GALNT13: variants seen among roughly 807,000 people sequenced by gnomAD.
The protein encoded by GALNT13 is UDP-GalNAc:polypeptide N-acetylgalactosaminyltransferase 13.
GALNT13 carries 28 observed loss-of-function variants against 64.2 expected under a neutral mutation model. The ratio of observed to expected loss-of-function variants is 0.44; its 90% confidence interval spans 0.32 to 0.60. GALNT13 has a LOEUF of 0.60. Among genes scored for constraint, GALNT13 ranks in the 20% least tolerant of loss-of-function variants. The pLI, the probability that GALNT13 is intolerant of heterozygous loss-of-function variation, is 0.05. For missense variants in GALNT13, 577 were observed against 669.8 expected (o/e 0.86, Z 1.53); for synonymous variants, 214 against 224.6 (o/e 0.95, Z 0.42).
chr2:154,092,220 A>G (rs1701849778), intron 3 of GALNT13, among the ~76,000 whole-genome samples: 1 of 151,952 alleles, frequency 6.6e-6, no homozygotes, highest in South Asian at 2.1e-4. Context: ...ATCCCAGCCA[A>G]GTTAACTGCA....
At chr2:154,121,977 G>A (rs1046478579) in intron 3 of GALNT13, among the ~76,000 whole-genome samples, 3 of 151,848 alleles carry the variant, frequency 2.0e-5, no homozygotes, top group African/African-American at 7.3e-5. Flanking sequence ...GTTGGTTTAG[G>A]TTTTTGTAAA....
At chr2:153,540,651 C>T in the GALNT13 span, among the ~76,000 whole-genome samples, 1 of 152,304 alleles carries the variant, frequency 6.6e-6, no homozygotes, top group East Asian at 1.9e-4. Context: ...GCAGAACTGC[C>T]CAAGTCCATG....
At chr2:153,150,588 G>T in the GALNT13 span, among the ~76,000 whole-genome samples, 12 of 152,076 alleles carry the variant, frequency 7.9e-5, no homozygotes, top group African/African-American at 2.9e-4. Flanking sequence ...TTTTCTTCTA[G>T]GGTTTTTATG....
At chr2:153,601,660 C>T in the GALNT13 span, among the ~76,000 whole-genome samples, 39,803 of 151,290 alleles carry the variant, frequency 0.26, 5,618 homozygotes, top group South Asian at 0.42. Flanking sequence ...ACAATAGGAC[C>T]GCACATGTAC....
chr2:153,780,240 T>TGCATATATATATATATATATGC, the GALNT13 span, among the ~76,000 whole-genome samples: 2 of 19,458 alleles, frequency 1.0e-4, no homozygotes, highest in Non-Finnish European at 3.1e-4. Flanking sequence ...TATATATATA[T>TGCATATATATATATATATATGC]ATATATATAT....
intron 3 of GALNT13, among the ~76,000 whole-genome samples, chr2:154,083,629 TC>T (rs1701389750): frequency 6.6e-6 from 1 of 151,924 alleles, no homozygotes; most frequent in African/African-American, 2.4e-5. Context: ...GTCCTTCACA[TC>T]CCTTGTAAGG....
At chr2:153,119,240 C>T in the GALNT13 span, among the ~76,000 whole-genome samples, 2 of 151,966 alleles carry the variant, frequency 1.3e-5, no homozygotes, top group African/African-American at 4.8e-5. Context: ...TACATAAGTG[C>T]ACAGCTAGGA....
the GALNT13 span, among the ~76,000 whole-genome samples, chr2:153,169,496 A>T: frequency 1.3e-5 from 2 of 152,220 alleles, no homozygotes; most frequent in Non-Finnish European, 2.9e-5. Flanking sequence ...TAGGAGTTAG[A>T]TAGGACCACA....
the GALNT13 span, among the ~76,000 whole-genome samples, chr2:153,279,981 G>A: frequency 5.3e-5 from 8 of 152,220 alleles, no homozygotes; most frequent in East Asian, 1.2e-3. Flanking sequence ...AGTTTGCTAT[G>A]AATCCAGCCA....
chr2:153,904,523 T>A (rs907357050), intron 2 of GALNT13, among the ~76,000 whole-genome samples: 1 of 152,026 alleles, frequency 6.6e-6, no homozygotes, highest in South Asian at 2.1e-4. Context: ...GCCATTCTGG[T>A]GAGAGTTTGG....
At chr2:153,489,721 T>G in the GALNT13 span, among the ~76,000 whole-genome samples, 5 of 152,258 alleles carry the variant, frequency 3.3e-5, no homozygotes, top group East Asian at 9.6e-4. Context: ...GCATAATAGG[T>G]AAGATCAGGT....
chr2:153,226,986 A>G, the GALNT13 span, among the ~76,000 whole-genome samples: 1 of 152,222 alleles, frequency 6.6e-6, no homozygotes, highest in South Asian at 2.1e-4. Flanking sequence ...ATAAGTATGA[A>G]CAGAGGTCTT....
At chr2:154,373,364 G>A (rs1275008915) in intron 9 of GALNT13, among the ~76,000 whole-genome samples, 1 of 152,054 alleles carries the variant, frequency 6.6e-6, no homozygotes, top group East Asian at 1.9e-4. Context: ...GAATCATAAT[G>A]GCACCAGAAT....
At chr2:153,535,938 C>T in the GALNT13 span, among the ~76,000 whole-genome samples, 1 of 152,080 alleles carries the variant, frequency 6.6e-6, no homozygotes, top group Non-Finnish European at 1.5e-5. Context: ...TTCTCAGACC[C>T]TTTAGGAAAG....
intron 3 of GALNT13, among the ~76,000 whole-genome samples, chr2:154,128,658 T>C (rs941084072): frequency 2.6e-5 from 4 of 152,068 alleles, no homozygotes; most frequent in Non-Finnish European, 4.4e-5. Flanking sequence ...CGGGTAGTGA[T>C]TAGATATGTG....
chr2:154,273,752 A>G (rs932666551), intron 8 of GALNT13, among the ~76,000 whole-genome samples: 2 of 152,160 alleles, frequency 1.3e-5, no homozygotes, highest in African/African-American at 4.8e-5. Flanking sequence ...TAATGTTCAC[A>G]TGATAATGAA....
the GALNT13 span, among the ~76,000 whole-genome samples, chr2:153,560,708 C>T: frequency 0.13 from 19,750 of 151,900 alleles, 1,607 homozygotes; most frequent in African/African-American, 0.22. Context: ...TAATACTATG[C>T]TTTTAATTAG....
intron 3 of GALNT13, among the ~76,000 whole-genome samples, chr2:154,126,977 TA>T (rs1682319462): frequency 6.6e-6 from 1 of 152,182 alleles, no homozygotes; most frequent in South Asian, 2.1e-4. Context: ...TAAGAACCCA[TA>T]TTTGATCAAT....
At chr2:153,653,951 G>A in the GALNT13 span, among the ~76,000 whole-genome samples, 1 of 152,076 alleles carries the variant, frequency 6.6e-6, no homozygotes, top group Non-Finnish European at 1.5e-5. Context: ...TAAACATTAA[G>A]TAAAATATTG....
Sources: allele counts gnomAD v4.1 joint callset (sites outside exome capture counted in the v4.1 genomes callset), GRCh38; gene constraint gnomAD v4.1.1; transcripts MANE v1.5; gene names NCBI Gene and HGNC (gene_info 2026-07-23, HGNC 2026-07-21).